Variants in PRKD2 observed in about 807,000 individuals in gnomAD.
PRKD2 encodes the protein serine/threonine-protein kinase D2.
A neutral mutation model predicts 86.0 loss-of-function variants in PRKD2; 22 were observed. The ratio of observed to expected loss-of-function variants is 0.26; its 90% confidence interval spans 0.18 to 0.37. The LOEUF (loss-of-function observed/expected upper bound fraction) is 0.37, where lower values mean the gene tolerates loss of function less well. Among genes scored for constraint, PRKD2 ranks in the 10% least tolerant of loss-of-function variants. The pLI is 1.00. For missense variants in PRKD2, 818 were observed against 1,199.2 expected (o/e 0.68, Z 4.70); for synonymous variants, 509 against 510.9 (o/e 1.00, Z 0.05).
At position 46,716,104 on chromosome 19, in the gene PRKD2, C is replaced by A. The variant is rs1244046626; in HGVS notation, c.240+27G>T. 6.2e-7 allele frequency: 1 copy of A among 1,604,986 alleles called. No homozygotes were observed. Among genetic ancestry groups the A allele is most frequent in the Non-Finnish European group, 8.5e-7 (1 of 1,176,460 alleles). ...CCCCCTCCTTCAACCTCTCCCCGAGCTGGATCCAGGGAGCCTGCGCCCTCA... is the reference window on the plus strand; with the variant it reads ...CCCCCTCCTTCAACCTCTCCCCGAGATGGATCCAGGGAGCCTGCGCCCTCA... On this transcript the variant is annotated intron_variant, in intron 1 of 17. Coordinates refer to ENST00000291281, the MANE Select transcript of PRKD2 (RefSeq NM_016457.5). The surrounding 1 kb of genome is among the most constrained non-coding windows in gnomAD (Gnocchi z 7.9).
intron 2 of PRKD2, 128 bp from the exon 3 acceptor site, chr19:46,711,166 G>A: frequency 7.7e-7 from 1 of 1,300,508 alleles, no homozygotes; most frequent in Non-Finnish European, 1.1e-6. Context: ...TCCTTCATTT[G>A]CTCTCATACT....
intron 14 of PRKD2, among the ~76,000 whole-genome samples, chr19:46,686,747 C>T (rs768113599): frequency 2.0e-5 from 3 of 151,432 alleles, no homozygotes; most frequent in Non-Finnish European, 2.9e-5. Flanking sequence ...GTCAGGAGAT[C>T]GAGACCATCC....
In PRKD2 at chr19:46,674,494, G is replaced by C. The variant is rs762700966; in HGVS notation, c.*29C>G. On this transcript the variant is annotated 3_prime_UTR_variant, in exon 18 of 18. Transcript: ENST00000291281. ...GGATCCTGTGAAGAACCGCTGTGGA[G>C]GGCAGCAGCTGGACGAGGGCACAGG... 6.9e-6 allele frequency: 11 copies of C among 1,593,240 alleles called. No individual in the cohort carries two copies. Among genetic ancestry groups the C allele is most frequent in the African/African-American group, 1.3e-5 (1 of 74,546 alleles).
chr19:46,701,717 C>T (rs1411408473), intron 5 of PRKD2, among the ~76,000 whole-genome samples: 2 of 151,748 alleles, frequency 1.3e-5, no homozygotes, highest in African/African-American at 2.4e-5. Context: ...ACTCTGAACA[C>T]CCTAGGGCTG....
intron 14 of PRKD2, 58 bp from the exon 15 acceptor site, chr19:46,681,806 A>C: frequency 8.9e-7 from 1 of 1,126,462 alleles, no homozygotes. Context: ...CCAAATCCCA[A>C]CCTCAGCAGC....
chr19:46,692,572 G>GA (rs749149632), intron 10 of PRKD2, among the ~76,000 whole-genome samples: 248 of 151,142 alleles, frequency 1.6e-3, no homozygotes, highest in Middle Eastern at 3.4e-3. Context: ...AAACCAGAGG[G>GA]ATCTTACTGA....
chr19:46,681,540 G>T, intron 15 of PRKD2, 110 bp downstream of exon 15: 1 of 758,812 alleles, frequency 1.3e-6, no homozygotes, highest in Middle Eastern at 3.8e-4. Flanking sequence ...ACAGGCAAGA[G>T]CCACTGTGCC....
At chr19:46,681,590 C>G in intron 15 of PRKD2, 60 bp downstream of exon 15, 1 of 712,514 alleles carries the variant, frequency 1.4e-6, no homozygotes, top group South Asian at 1.8e-5. Flanking sequence ...CCTTCCCCAC[C>G]CCCACCCCGG....
At chr19:46,702,305 G>T (rs906446547) in intron 5 of PRKD2, among the ~76,000 whole-genome samples, 1 of 152,102 alleles carries the variant, frequency 6.6e-6, no homozygotes, top group Non-Finnish European at 1.5e-5. Flanking sequence ...CTCCCAAAGT[G>T]CTGGGATTAC....
At chr19:46,704,454 C>T (rs746307697) in intron 4 of PRKD2, 41 bp downstream of exon 4, 1 of 1,613,722 alleles carries the variant, frequency 6.2e-7, no homozygotes. Context: ...GGCCAAGTCA[C>T]CCCCCTAGCC....
intron 15 of PRKD2, among the ~76,000 whole-genome samples, chr19:46,681,398 G>C (rs2122576648): frequency 6.6e-6 from 1 of 151,784 alleles, no homozygotes; most frequent in Middle Eastern, 3.4e-3. Context: ...AGGACTATAG[G>C]CGCACGCCAC....
intron 11 of PRKD2, 59 bp downstream of exon 11, chr19:46,691,873 CG>C (rs2122668245): frequency 6.2e-7 from 1 of 1,610,736 alleles, no homozygotes; most frequent in Non-Finnish European, 8.5e-7. Flanking sequence ...GTCAAGGAGA[CG>C]AGAGAGCTGA....
At chr19:46,681,809 T>G in intron 14 of PRKD2, 61 bp from the exon 15 acceptor site, 2 of 1,025,712 alleles carry the variant, frequency 1.9e-6, no homozygotes, top group African/African-American at 1.6e-5. Context: ...AATCCCAACC[T>G]CAGCAGCCAG....
chr19:46,704,648 G>A lies in PRKD2; in HGVS notation c.513C>T (p.Gly171=). ...AGCGCTTGTGGTAGTTCAGCCCGCA[G>A]CCTGCAGGGGGCGCCAGAGAGTAAG... ...GLVRQGLKCD[G]CGLNYHKRCA... is the part of the protein sequence containing the mutation. The change falls in exon 4 of 18, where the codon GGC becomes GGT. Residue 171 remains glycine (G), a splice_region_variant and synonymous_variant. Coordinates refer to ENST00000291281, the MANE Select transcript of PRKD2 (RefSeq NM_016457.5). 1 of 1,601,776 alleles carries A rather than the reference G, an allele frequency of 6.2e-7. No homozygotes were observed. The highest frequency in any genetic ancestry group is 2.2e-5 in the East Asian group (1 of 44,738).
rs147628372 is a variant in PRKD2, at chr19:46,677,938, G to A, written c.2338+458C>T. Among the ~76,000 whole-genome samples, 16 of 152,288 alleles carry A rather than the reference G, an allele frequency of 1.1e-4. No individual in the cohort carries two copies. In the East Asian group the frequency reaches 2.7e-3, roughly 26 times the overall value. On this transcript the variant is annotated intron_variant, in intron 16 of 17. Transcript: ENST00000291281. ...TACACAGCAAAGTAGCCATGCCCTT[G>A]TTTCTCAACCCTACCCACCGGTGCC...
chr19:46,685,258 C>CAAAA (rs763420052), intron 14 of PRKD2, among the ~76,000 whole-genome samples: 11 of 89,092 alleles, frequency 1.2e-4, no homozygotes, highest in Non-Finnish European at 1.9e-4. Flanking sequence ...GACTTCGTCT[C>CAAAA]AAAAAAAAAA....
rs955757938 is a variant in PRKD2, at chr19:46,689,768, G to T, written c.1810-70C>A. 7.7e-6 allele frequency: 12 copies of T among 1,553,668 alleles called. No individual in the cohort carries two copies. In the East Asian group the frequency reaches 2.5e-4, roughly 32 times the overall value. ...TCAGACCCCAACGGGTCAGGTATAG[G>T]AGCAGGAGGATGACAAACAAGGAGA... is the stretch of plus-strand genomic sequence containing the variant. On this transcript the variant is annotated intron_variant, in intron 13 of 17. Coordinates refer to ENST00000291281, the MANE Select transcript of PRKD2 (RefSeq NM_016457.5).
chr19:46,691,611 A>C, intron 12 of PRKD2, 124 bp downstream of exon 12: 2 of 956,284 alleles, frequency 2.1e-6, no homozygotes, highest in Non-Finnish European at 1.7e-6. Flanking sequence ...TAAGCCAATC[A>C]ACATGGGAGG....
intron 14 of PRKD2, among the ~76,000 whole-genome samples, chr19:46,686,492 A>G (rs1420189138): frequency 6.6e-6 from 1 of 150,882 alleles, no homozygotes; most frequent in Admixed American, 6.6e-5. Flanking sequence ...AAAAAAAAAA[A>G]AAAAAAAAAT....
Sources: allele counts gnomAD v4.1 joint callset (sites outside exome capture counted in the v4.1 genomes callset), GRCh38; gene constraint gnomAD v4.1.1; non-coding constraint Gnocchi (gnomAD v3.1); transcripts MANE v1.5; gene names NCBI Gene and HGNC (gene_info 2026-07-23, HGNC 2026-07-21).